The following KLF12 variants were observed in gnomAD, a reference collection of about 807,000 sequenced individuals.
KLF12 encodes the protein Krueppel-like factor 12.
A neutral mutation model predicts 37.8 loss-of-function variants in KLF12; 9 were observed. The observed-to-expected ratio is 0.24, with a 90% CI of 0.14 to 0.42. The LOEUF (loss-of-function observed/expected upper bound fraction) is 0.42, where lower values mean the gene tolerates loss of function less well. Among genes scored for constraint, KLF12 ranks in the 10% least tolerant of loss-of-function variants. KLF12 has a pLI of 1.00. For missense variants in KLF12, 411 were observed against 516.0 expected (o/e 0.80, Z 1.97); for synonymous variants, 208 against 202.1 (o/e 1.03, Z -0.25).
At chr13:74,154,010 G>A in the KLF12 span, among the ~76,000 whole-genome samples, 4 of 151,802 alleles carry the variant, frequency 2.6e-5, no homozygotes, top group East Asian at 1.9e-4. Context: ...GGCAGATCAC[G>A]AGGTCAGGAG....
At position 73,695,561 on chromosome 13, in the gene KLF12, C is replaced by T. The variant is rs746322196; in HGVS notation, c.1138G>A (p.Ala380Thr). Residue 380 changes from alanine to threonine, a missense_variant, in exon 8 of 8, where the codon GCG becomes ACG. Physicochemically the swap from Ala to Thr is moderately conservative, Grantham distance 58. Around this residue, in one of 2 missense-constraint regions of KLF12, gnomAD observed 60 missense variants for 118.2 expected, o/e 0.51. Coordinates refer to ENST00000377669, the MANE Select transcript of KLF12 (RefSeq NM_007249.5). ...CGGGAAAAGCTGCGATCACAGTCCG[C>T]GCACTTGAATGGCTTCACTCCCGTA... 2.6e-5 allele frequency: 42 copies of T among 1,613,958 alleles called. No homozygotes were observed. Among genetic ancestry groups the T allele is most frequent in the East Asian group, 8.9e-5 (4 of 44,886 alleles).
At chr13:74,278,565 A>C in the KLF12 span, among the ~76,000 whole-genome samples, 4 of 152,320 alleles carry the variant, frequency 2.6e-5, no homozygotes, top group East Asian at 7.7e-4. Flanking sequence ...AGCCAAGGAC[A>C]CATATTAAAT....
intron 1 of KLF12, among the ~76,000 whole-genome samples, chr13:74,019,925 A>C (rs1892797419): frequency 6.6e-6 from 1 of 152,208 alleles, no homozygotes; most frequent in Non-Finnish European, 1.5e-5. Context: ...ACAATTTCAA[A>C]ATCTTTAGGG....
At chr13:73,881,178 T>A (rs1886962513) in intron 3 of KLF12, among the ~76,000 whole-genome samples, 1 of 152,154 alleles carries the variant, frequency 6.6e-6, no homozygotes, top group Non-Finnish European at 1.5e-5. Flanking sequence ...GTCATATATA[T>A]ATAAACCATT....
chr13:73,978,486 G>A (rs1243469594), intron 2 of KLF12, among the ~76,000 whole-genome samples: 4 of 152,146 alleles, frequency 2.6e-5, no homozygotes, highest in African/African-American at 4.8e-5. Context: ...GAGCAACAAG[G>A]ACTCTCACTC....
intron 5 of KLF12, among the ~76,000 whole-genome samples, chr13:73,794,670 T>C (rs1177995668): frequency 3.3e-5 from 5 of 152,190 alleles, no homozygotes; most frequent in African/African-American, 7.2e-5. Flanking sequence ...CCCCTTCTCC[T>C]GATGAAGTAA....
At chr13:73,997,614 AAC>A (rs1892159319) in intron 1 of KLF12, among the ~76,000 whole-genome samples, 1 of 152,220 alleles carries the variant, frequency 6.6e-6, no homozygotes. Context: ...CATTTCCAAT[AAC>A]AGTTAATAGC....
At chr13:73,857,200 T>G (rs1594176847) in intron 3 of KLF12, among the ~76,000 whole-genome samples, 1 of 152,252 alleles carries the variant, frequency 6.6e-6, no homozygotes, top group East Asian at 1.9e-4. Flanking sequence ...CATTTCAATT[T>G]CATGCAAATA....
intron 3 of KLF12, among the ~76,000 whole-genome samples, chr13:73,941,886 T>C (rs1279509019): frequency 6.6e-6 from 1 of 152,006 alleles, no homozygotes; most frequent in Admixed American, 6.6e-5. Flanking sequence ...ATGCAGAATC[T>C]AAATAAGAGT....
chr13:73,879,100 G>A (rs1886857755), intron 3 of KLF12, among the ~76,000 whole-genome samples: 1 of 152,186 alleles, frequency 6.6e-6, no homozygotes, highest in Non-Finnish European at 1.5e-5. Context: ...TCAAACTACT[G>A]AGACTATCAA....
the KLF12 span, among the ~76,000 whole-genome samples, chr13:74,186,191 A>AT: frequency 9.2e-5 from 14 of 151,768 alleles, no homozygotes; most frequent in South Asian, 4.2e-4. Flanking sequence ...TGTCTAAGAG[A>AT]TTTTTTTTTC....
chr13:74,095,958 T>G (rs537861393), intron 1 of KLF12, among the ~76,000 whole-genome samples: 1 of 152,264 alleles, frequency 6.6e-6, no homozygotes, highest in African/African-American at 2.4e-5. Flanking sequence ...CTCACCCCTT[T>G]GTAGAATCGT....
At chr13:74,176,397 G>A in the KLF12 span, among the ~76,000 whole-genome samples, 88 of 152,128 alleles carry the variant, frequency 5.8e-4, no homozygotes, top group South Asian at 1.5e-3. Context: ...ACATTATCCC[G>A]GAAGACTTCT....
At chr13:74,068,260 G>A (rs1874030809) in intron 1 of KLF12, among the ~76,000 whole-genome samples, 2 of 152,136 alleles carry the variant, frequency 1.3e-5, no homozygotes, top group South Asian at 4.1e-4. Flanking sequence ...TGTATGTTTT[G>A]AAAAATTTTA....
intron 3 of KLF12, among the ~76,000 whole-genome samples, chr13:73,892,028 T>C (rs1887530041): frequency 6.6e-6 from 1 of 152,120 alleles, no homozygotes; most frequent in Non-Finnish European, 1.5e-5. Flanking sequence ...GACAATATTT[T>C]TTTTTTTCTG....
intron 1 of KLF12, among the ~76,000 whole-genome samples, chr13:74,123,683 G>A (rs1256421515): frequency 1.3e-5 from 2 of 152,182 alleles, no homozygotes; most frequent in Non-Finnish European, 2.9e-5. Context: ...TTGGAAGAAG[G>A]TAAAAATTCA....
At position 74,084,941 on chromosome 13, in the gene KLF12, G is replaced by A. The variant is rs112055161; in HGVS notation, c.-32+48798C>T. 3.1e-3 allele frequency among the ~76,000 whole-genome samples: 478 copies of A among 152,086 alleles called. 1 individual carries two copies. The highest frequency in any genetic ancestry group is 6.8e-3 in the Middle Eastern group (2 of 294). Reference sequence around the variant, plus strand: ...TTATAGTTTGCAGGAGGTTTTGTTGGTTTTTTTAAAAGAGAAATGCTATAT... The same window carrying A: ...TTATAGTTTGCAGGAGGTTTTGTTGATTTTTTTAAAAGAGAAATGCTATAT... On this transcript the variant is annotated intron_variant, in intron 1 of 7. Coordinates refer to ENST00000377669, the MANE Select transcript of KLF12 (RefSeq NM_007249.5).
chr13:74,250,715 G>C, the KLF12 span, among the ~76,000 whole-genome samples: 33 of 152,134 alleles, frequency 2.2e-4, no homozygotes, highest in African/African-American at 6.5e-4. Context: ...AAAGATCAAG[G>C]CTGTTTAGGA....
At chr13:73,874,865 A>G (rs1489274842) in intron 3 of KLF12, among the ~76,000 whole-genome samples, 3 of 151,828 alleles carry the variant, frequency 2.0e-5, no homozygotes, top group African/African-American at 7.2e-5. Context: ...TGGATTAGAT[A>G]TTAACCAAAG....
Sources: allele counts gnomAD v4.1 joint callset (sites outside exome capture counted in the v4.1 genomes callset), GRCh38; gene constraint gnomAD v4.1.1; regional missense constraint gnomAD v4.1.1; transcripts MANE v1.5; gene names NCBI Gene and HGNC (gene_info 2026-07-23, HGNC 2026-07-21).